The following KHDRBS2 variants were observed in gnomAD, a reference collection of about 807,000 sequenced individuals.
KHDRBS2 encodes the protein KH RNA binding domain containing, signal transduction associated 2, also known as KH domain-containing, RNA-binding, signal transduction-associated protein 2.
A neutral mutation model predicts 44.3 loss-of-function variants in KHDRBS2; 26 were observed. That is an observed-to-expected ratio of 0.59 (90% CI 0.43 to 0.81). The LOEUF is 0.81. Ranked by LOEUF, KHDRBS2 falls within the 40% of genes least tolerant of loss-of-function variation. The probability of loss-of-function intolerance (pLI) is 0.00; values close to 1 mark genes in which losing one functional copy is unlikely to be tolerated. For synonymous variants in KHDRBS2, 194 were observed against 151.1 expected (o/e 1.28, Z -2.08); for missense variants, 476 against 433.1 (o/e 1.10, Z -0.88).
intron 2 of KHDRBS2, among the ~76,000 whole-genome samples, chr6:62,064,340 A>G (rs1184821807): frequency 2.0e-5 from 3 of 149,048 alleles, no homozygotes; most frequent in Non-Finnish European, 4.5e-5. Flanking sequence ...CTAAGCCAAA[A>G]GAACAAAGCT....
At chr6:61,658,652 A>G in the KHDRBS2 span, among the ~76,000 whole-genome samples, 1 of 151,950 alleles carries the variant, frequency 6.6e-6, no homozygotes, top group Non-Finnish European at 1.5e-5. Flanking sequence ...GGGTCCTGAC[A>G]TCTGTAGTTT....
the KHDRBS2 span, among the ~76,000 whole-genome samples, chr6:61,596,140 G>C: frequency 1.3e-5 from 2 of 152,096 alleles, no homozygotes; most frequent in Non-Finnish European, 2.9e-5. Context: ...AGAATCCAGA[G>C]GCTCAAAAAC....
chr6:62,018,425 G>A (rs1402776849), intron 3 of KHDRBS2, among the ~76,000 whole-genome samples: 5 of 151,832 alleles, frequency 3.3e-5, no homozygotes, highest in East Asian at 3.9e-4. Flanking sequence ...CGAACTCACC[G>A]CAAGCTCCGC....
chr6:62,101,903 A>G (rs1014529820), intron 2 of KHDRBS2, among the ~76,000 whole-genome samples: 3 of 152,196 alleles, frequency 2.0e-5, no homozygotes, highest in Non-Finnish European at 4.4e-5. Flanking sequence ...TATTAACATA[A>G]CATGGTCTTC....
chr6:62,139,112 G>A (rs761313920), intron 2 of KHDRBS2, among the ~76,000 whole-genome samples: 9 of 151,412 alleles, frequency 5.9e-5, no homozygotes, highest in Non-Finnish European at 8.8e-5. Flanking sequence ...GAAACCTTTA[G>A]TTTCAGATTT....
intron 6 of KHDRBS2, among the ~76,000 whole-genome samples, chr6:61,750,926 G>T (rs1562092528): frequency 6.6e-6 from 1 of 151,974 alleles, no homozygotes; most frequent in Non-Finnish European, 1.5e-5. Context: ...TAAGGTAAAT[G>T]ATGACAAAAA....
the KHDRBS2 span, among the ~76,000 whole-genome samples, chr6:61,602,461 C>T: frequency 1.7e-3 from 258 of 152,246 alleles, no homozygotes; most frequent in African/African-American, 4.0e-3. Flanking sequence ...CAGGATCCCA[C>T]GGAAAATTGG....
chr6:61,711,175 C>T (rs1170945634), intron 7 of KHDRBS2, among the ~76,000 whole-genome samples: 1 of 151,534 alleles, frequency 6.6e-6, no homozygotes, highest in Non-Finnish European at 1.5e-5. Flanking sequence ...AGCTGACTGA[C>T]AGTACAGACA....
intron 4 of KHDRBS2, among the ~76,000 whole-genome samples, chr6:61,907,023 C>A (rs1441209229): frequency 1.3e-5 from 2 of 152,146 alleles, no homozygotes; most frequent in African/African-American, 4.8e-5. Flanking sequence ...TACATTCCCA[C>A]CAAACAGTGT....
At chr6:61,949,465 T>G (rs1335633921) in intron 4 of KHDRBS2, among the ~76,000 whole-genome samples, 1 of 152,106 alleles carries the variant, frequency 6.6e-6, no homozygotes, top group Non-Finnish European at 1.5e-5. Flanking sequence ...CTACAGGACA[T>G]ATTTCACAAT....
chr6:61,869,786 G>A (rs1279593949), intron 6 of KHDRBS2, among the ~76,000 whole-genome samples: 2 of 152,064 alleles, frequency 1.3e-5, no homozygotes, highest in Non-Finnish European at 2.9e-5. Context: ...CCCAATGGAA[G>A]CCATGAGGGA....
At chr6:62,125,187 A>C (rs1352601839) in intron 2 of KHDRBS2, among the ~76,000 whole-genome samples, 3 of 152,188 alleles carry the variant, frequency 2.0e-5, no homozygotes, top group Non-Finnish European at 2.9e-5. Context: ...GCTGTGTGGC[A>C]GGGAAAGAAA....
At chr6:61,901,154 T>C (rs2127342859) in intron 5 of KHDRBS2, 90 bp downstream of exon 5, 1 of 1,235,282 alleles carries the variant, frequency 8.1e-7, no homozygotes, top group East Asian at 2.4e-5. Flanking sequence ...GCTGATGTTG[T>C]TGTTTACTGC....
intron 6 of KHDRBS2, among the ~76,000 whole-genome samples, chr6:61,759,705 TTGTTAG>T (rs1778997975): frequency 6.6e-6 from 1 of 152,202 alleles, no homozygotes; most frequent in Non-Finnish European, 1.5e-5. Flanking sequence ...TTCATTTCCC[TTGTTAG>T]CACGATTCAG....
chr6:61,713,347 T>C (rs1770844699), intron 7 of KHDRBS2, among the ~76,000 whole-genome samples: 1 of 151,702 alleles, frequency 6.6e-6, no homozygotes, highest in Admixed American at 6.6e-5. Context: ...AAAAAATAAA[T>C]AATATCTGTA....
chr6:62,168,473 C>G (rs1228897944), intron 2 of KHDRBS2, among the ~76,000 whole-genome samples: 1 of 152,104 alleles, frequency 6.6e-6, no homozygotes, highest in African/African-American at 2.4e-5. Flanking sequence ...CATTCCAGTC[C>G]TCTAATGGTC....
chr6:62,017,486 A>G (rs1215601924), intron 3 of KHDRBS2, among the ~76,000 whole-genome samples: 1 of 152,120 alleles, frequency 6.6e-6, no homozygotes, highest in Admixed American at 6.5e-5. Flanking sequence ...AATGCTACCC[A>G]TTTATTGTCT....
the KHDRBS2 span, among the ~76,000 whole-genome samples, chr6:61,584,850 T>A: frequency 6.6e-6 from 1 of 151,710 alleles, no homozygotes; most frequent in Non-Finnish European, 1.5e-5. Flanking sequence ...GTTTTTTTCA[T>A]GAAAACAAAC....
intron 1 of KHDRBS2, among the ~76,000 whole-genome samples, chr6:62,243,188 T>G (rs562463268): frequency 1.0e-3 from 153 of 152,072 alleles, no homozygotes; most frequent in Non-Finnish European, 1.2e-3. Context: ...CATATATATA[T>G]CTATATATCA....
Sources: gnomAD v4.1 joint callset for allele counts (sites outside exome capture counted in the v4.1 genomes callset) on GRCh38, gnomAD v4.1.1 for gene constraint, MANE v1.5 for transcripts, NCBI Gene and HGNC (gene_info 2026-07-23, HGNC 2026-07-21) for gene names.